NTRK3: variants seen among roughly 807,000 people sequenced by gnomAD.
NTRK3 encodes neurotrophic receptor tyrosine kinase 3.
NTRK3 carries 24 observed loss-of-function variants against 91.7 expected under a neutral mutation model. The observed-to-expected ratio is 0.26, with a 90% CI of 0.19 to 0.37. The LOEUF is 0.37. Ranked by LOEUF, NTRK3 falls within the 10% of genes least tolerant of loss-of-function variation. NTRK3 has a pLI of 1.00. For missense variants in NTRK3, 880 were observed against 1,068.9 expected, an observed-to-expected ratio of 0.82 and a Z score of 2.46; for synonymous variants, 483 against 404.0, an observed-to-expected ratio of 1.20 and a Z score of -2.34.
At chr15:87,988,454 T>G (rs1042878298) in intron 14 of NTRK3, among the ~76,000 whole-genome samples, 7 of 152,352 alleles carry the variant, frequency 4.6e-5, no homozygotes, top group Admixed American at 2.0e-4. Context: ...TACACTCATT[T>G]CTTACTTGTG....
At chr15:88,062,118 G>A (rs1416266739) in intron 13 of NTRK3, among the ~76,000 whole-genome samples, 1 of 152,072 alleles carries the variant, frequency 6.6e-6, no homozygotes, top group Non-Finnish European at 1.5e-5. Flanking sequence ...AAAGTCTCCG[G>A]GAGGATGTGT....
intron 17 of NTRK3, among the ~76,000 whole-genome samples, chr15:87,910,312 C>A (rs189905056): frequency 2.0e-5 from 3 of 152,090 alleles, no homozygotes; most frequent in Non-Finnish European, 4.4e-5. Context: ...CTCCTGCCAA[C>A]GTGCAAAGAA....
intron 14 of NTRK3, among the ~76,000 whole-genome samples, chr15:87,959,415 G>A (rs1399093079): frequency 1.3e-5 from 2 of 152,132 alleles, no homozygotes; most frequent in African/African-American, 4.8e-5. Context: ...GAAACATCAA[G>A]CGAGAGCTGG....
chr15:87,872,008 G>C (rs1011935618), exon 19 of NTRK3: 13 of 220,754 alleles, frequency 5.9e-5, no homozygotes, highest in Non-Finnish European at 1.0e-4. Context: ...AAAGAAAGTG[G>C]AGCTTCAGGA....
At chr15:88,111,390 G>A (rs2051339251) in intron 13 of NTRK3, among the ~76,000 whole-genome samples, 2 of 152,196 alleles carry the variant, frequency 1.3e-5, no homozygotes, top group South Asian at 4.1e-4. Flanking sequence ...CAGGACCAGG[G>A]CCAAAAAAGG....
intron 3 of NTRK3, among the ~76,000 whole-genome samples, chr15:88,187,009 CTA>C (rs2046997777): frequency 6.6e-6 from 1 of 152,122 alleles, no homozygotes; most frequent in Non-Finnish European, 1.5e-5. Flanking sequence ...GATCAAAAGA[CTA>C]TGATAAAAAA....
At chr15:88,111,839 T>A (rs977250655) in intron 13 of NTRK3, among the ~76,000 whole-genome samples, 3 of 152,132 alleles carry the variant, frequency 2.0e-5, no homozygotes, top group Admixed American at 2.0e-4. Flanking sequence ...AATTTGCTAC[T>A]ATTTGGTTGA....
chr15:87,902,758 T>G (rs2066527932), intron 17 of NTRK3, among the ~76,000 whole-genome samples: 1 of 152,176 alleles, frequency 6.6e-6, no homozygotes, highest in Admixed American at 6.5e-5. Context: ...AATTCGACTC[T>G]CAAGTTAGTT....
At chr15:88,093,725 G>A (rs1429934200) in intron 13 of NTRK3, among the ~76,000 whole-genome samples, 3 of 152,154 alleles carry the variant, frequency 2.0e-5, no homozygotes, top group African/African-American at 7.2e-5. Flanking sequence ...TGGACCAGAA[G>A]ACAGGGTTCT....
At chr15:88,098,839 A>G (rs1011946879) in intron 13 of NTRK3, among the ~76,000 whole-genome samples, 3 of 152,212 alleles carry the variant, frequency 2.0e-5, no homozygotes, top group Non-Finnish European at 4.4e-5. Context: ...GGAGCTGCTC[A>G]GAAACTCAGT....
intron 13 of NTRK3, among the ~76,000 whole-genome samples, chr15:88,121,890 AAAG>A (rs762256218): frequency 2.0e-5 from 3 of 152,216 alleles, no homozygotes; most frequent in South Asian, 4.1e-4. Flanking sequence ...TGTGATTCCA[AAAG>A]AAGATGAGCT....
chr15:88,083,599 G>A (rs1271507431), intron 13 of NTRK3, among the ~76,000 whole-genome samples: 1 of 152,178 alleles, frequency 6.6e-6, no homozygotes, highest in Non-Finnish European at 1.5e-5. Flanking sequence ...TATGGGCCAA[G>A]ATGGGACAGT....
exon 19 of NTRK3, chr15:87,871,193 T>C (rs1240591312): frequency 3.5e-5 from 8 of 230,954 alleles, no homozygotes; most frequent in African/African-American, 1.5e-4. Flanking sequence ...TCTAGTACAC[T>C]GACACTTGAA....
intron 13 of NTRK3, among the ~76,000 whole-genome samples, chr15:88,077,184 T>C (rs1382888405): frequency 6.6e-6 from 1 of 152,130 alleles, no homozygotes; most frequent in Non-Finnish European, 1.5e-5. Context: ...GATATAAATA[T>C]TTCTGCTCTA....
chr15:88,197,611 C>G (rs2047945425), intron 3 of NTRK3, among the ~76,000 whole-genome samples: 1 of 152,198 alleles, frequency 6.6e-6, no homozygotes, highest in Admixed American at 6.5e-5. Context: ...GTGTCCAAAC[C>G]ATTGCACTAC....
chr15:87,988,658 G>T (rs186221214), intron 14 of NTRK3, among the ~76,000 whole-genome samples: 1 of 152,138 alleles, frequency 6.6e-6, no homozygotes, highest in Non-Finnish European at 1.5e-5. Context: ...TAGGGAAGAC[G>T]TTGATTTTTG....
intron 14 of NTRK3, among the ~76,000 whole-genome samples, chr15:88,016,954 C>CT (rs1419005750): frequency 1.1e-4 from 10 of 92,392 alleles, no homozygotes; most frequent in African/African-American, 2.8e-4. Context: ...AGAGACGAAG[C>CT]TTAAAAAAAA....
rs955388552 is a variant in NTRK3 at position 88,159,500 on chromosome 15, T to C, written c.396-12097A>G. 3.9e-5 allele frequency among the ~76,000 whole-genome samples: 6 copies of C among 152,180 alleles called. No homozygotes were observed. The South Asian group carries it at 6.2e-4, about 16-fold the overall frequency. ...TTTCTAAGAGGTTCCCTGGGTGACA[T>C]TGATGTTGCTGGTTTGGGAACCACA... is the stretch of plus-strand genomic sequence containing the variant. On this transcript the variant is annotated intron_variant, in intron 5 of 18. Coordinates refer to ENST00000394480, the Ensembl canonical transcript of NTRK3.
At chr15:87,917,875 C>T (rs1266577272) in intron 17 of NTRK3, among the ~76,000 whole-genome samples, 4 of 152,204 alleles carry the variant, frequency 2.6e-5, no homozygotes. Flanking sequence ...CTTGCACAGT[C>T]TTCAGAGATA....
Sources: gnomAD v4.1 joint callset for allele counts (sites outside exome capture counted in the v4.1 genomes callset) on GRCh38, gnomAD v4.1.1 for gene constraint, MANE v1.5 for transcripts, NCBI Gene and HGNC (gene_info 2026-07-23, HGNC 2026-07-21) for gene names.